Variants in ATG7 observed in about 807,000 individuals in gnomAD.
ATG7 encodes autophagy related 7, also known as ubiquitin-like modifier-activating enzyme ATG7.
Under a neutral mutation model 82.4 loss-of-function variants are expected in ATG7, and 70 were observed. The observed-to-expected ratio is 0.85, with a 90% CI of 0.70 to 1.04. The LOEUF is 1.04. Among genes scored for constraint, ATG7 ranks in the 50% least tolerant of loss-of-function variants. The probability of loss-of-function intolerance (pLI) is 0.00; values close to 1 mark genes in which losing one functional copy is unlikely to be tolerated. For synonymous variants in ATG7, 287 were observed against 313.0 expected, an observed-to-expected ratio of 0.92 and a Z score of 0.88; for missense variants, 792 against 864.3, an observed-to-expected ratio of 0.92 and a Z score of 1.05.
chr3:11,505,314 A>G (rs2091635543), intron 20 of ATG7, among the ~76,000 whole-genome samples: 1 of 152,210 alleles, frequency 6.6e-6, no homozygotes, highest in Non-Finnish European at 1.5e-5. Flanking sequence ...GACTAGCGGT[A>G]AGCCAGGTGT....
chr3:11,550,644 C>T (rs191124238), intron 20 of ATG7, among the ~76,000 whole-genome samples: 20 of 152,210 alleles, frequency 1.3e-4, no homozygotes, highest in African/African-American at 3.4e-4. Flanking sequence ...GTGATCCTCC[C>T]GCCTCAGCCT....
At chr3:11,304,830 T>C (rs934413696) in intron 5 of ATG7, among the ~76,000 whole-genome samples, 1 of 152,206 alleles carries the variant, frequency 6.6e-6, no homozygotes, top group African/African-American at 2.4e-5. Flanking sequence ...TAATTTGAAT[T>C]CTTTTTAGGA....
intron 20 of ATG7, among the ~76,000 whole-genome samples, chr3:11,432,610 C>CTG (rs2152954135): frequency 6.6e-6 from 1 of 151,982 alleles, no homozygotes; most frequent in South Asian, 2.1e-4. Context: ...AACTTATCTA[C>CTG]ATAACCAAAA....
intron 20 of ATG7, among the ~76,000 whole-genome samples, chr3:11,437,752 A>G (rs562469998): frequency 3.4e-4 from 52 of 152,280 alleles, no homozygotes; most frequent in African/African-American, 1.2e-3. Context: ...TCGCATATAT[A>G]CTTGCTCGTT....
chr3:11,543,026 C>T (rs2070962634), intron 20 of ATG7, among the ~76,000 whole-genome samples: 2 of 152,194 alleles, frequency 1.3e-5, no homozygotes, highest in Non-Finnish European at 1.5e-5. Context: ...GTCTGCTGCC[C>T]CCCTCCCTGG....
rs1435086133 is a variant in ATG7 at position 11,395,965 on chromosome 3, A to AAAAAG, written c.1956+15913_1956+15914insAAAAG. Among the ~76,000 whole-genome samples, 2 of 78,082 alleles carry AAAAAG rather than the reference A, an allele frequency of 2.6e-5. 1 individual carries two copies. 51.2% of individuals were successfully genotyped at this position (78,082 alleles called of 152,430 possible). On this transcript the variant is annotated intron_variant, in intron 19 of 20. Transcript: ENST00000693202. ...AAAAAAAAAAAAAAAAAAAAAAAAA[A>AAAAAG]GGTAGGGGGGGAAGAGTAAAAGTGA...
the ATG7 span, among the ~76,000 whole-genome samples, chr3:11,571,421 C>T: frequency 2.6e-5 from 4 of 152,222 alleles, no homozygotes; most frequent in Non-Finnish European, 4.4e-5. Context: ...CAGTGACTCA[C>T]GCCTGTAATC....
At chr3:11,277,625 G>T (rs1380413597) in intron 1 of ATG7, among the ~76,000 whole-genome samples, 1 of 152,182 alleles carries the variant, frequency 6.6e-6, no homozygotes, top group Non-Finnish European at 1.5e-5. Context: ...GGGTCACAAA[G>T]ATCACATGCT....
chr3:11,457,873 G>A (rs1048868703), intron 20 of ATG7, among the ~76,000 whole-genome samples: 1 of 152,152 alleles, frequency 6.6e-6, no homozygotes, highest in Non-Finnish European at 1.5e-5. Context: ...GGCAAGGACT[G>A]TGTCTTAGAT....
intron 20 of ATG7, among the ~76,000 whole-genome samples, chr3:11,517,347 AAAAAG>A (rs149664163): frequency 0.16 from 23,892 of 149,204 alleles, 2,358 homozygotes; most frequent in South Asian, 0.35. Flanking sequence ...CTCAAAAAAA[AAAAAG>A]AAAAGAAAAG....
At chr3:11,470,209 G>T (rs1287982028) in intron 20 of ATG7, among the ~76,000 whole-genome samples, 1 of 152,134 alleles carries the variant, frequency 6.6e-6, no homozygotes, top group African/African-American at 2.4e-5. Context: ...TGGCACCTCT[G>T]TAGTCACACA....
At chr3:11,516,384 C>A (rs2092284060) in intron 20 of ATG7, among the ~76,000 whole-genome samples, 1 of 151,992 alleles carries the variant, frequency 6.6e-6, no homozygotes, top group South Asian at 2.1e-4. Context: ...TATGCCCATT[C>A]AAATGACTAG....
At chr3:11,303,044 T>C (rs1947037724) in intron 5 of ATG7, among the ~76,000 whole-genome samples, 1 of 152,228 alleles carries the variant, frequency 6.6e-6, no homozygotes, top group South Asian at 2.1e-4. Context: ...TCTTCTTCCA[T>C]GTTGTGGCTC....
At chr3:11,513,866 G>C (rs2092172371) in intron 20 of ATG7, among the ~76,000 whole-genome samples, 1 of 152,248 alleles carries the variant, frequency 6.6e-6, no homozygotes, top group Non-Finnish European at 1.5e-5. Context: ...CGTAGCTGCT[G>C]TCTTATGAAC....
chr3:11,461,487 C>T (rs1424540162), intron 20 of ATG7, among the ~76,000 whole-genome samples: 3 of 152,182 alleles, frequency 2.0e-5, no homozygotes, highest in East Asian at 3.8e-4. Context: ...TGAAGACAGG[C>T]ATTCAAAACC....
Position 11,497,357 on chromosome 3 carries a change from C to CTATATATATATATATATA in ATG7, c.2080-57436_2080-57419dup, listed in dbSNP as rs58838386. Among the ~76,000 whole-genome samples the CTATATATATATATATATA allele has an allele frequency of 2.4e-3, 139 of 57,290 alleles. 3 individuals are homozygous for CTATATATATATATATATA. Among genetic ancestry groups the CTATATATATATATATATA allele is most frequent in the South Asian group, 3.7e-3 (4 of 1,094 alleles). The allele number at this position is 57,290 out of a possible 152,430, so 37.6% of individuals were successfully genotyped here. On this transcript the variant is annotated intron_variant, in intron 20 of 20. Coordinates refer to ENST00000693202, the MANE Select transcript of ATG7 (RefSeq NM_001349232.2). The stretch of plus-strand genomic sequence containing the variant: ...TGAAACCCCGTCTGTACTAAAAATA[C>CTATATATATATATATATA]TATATATATATATATATATATATAT...
At position 11,519,851 on chromosome 3, in the gene ATG7, A is replaced by G. The variant is rs572368728; in HGVS notation, c.2080-34960A>G. Among the ~76,000 whole-genome samples the G allele has an allele frequency of 1.2e-3, 186 of 152,008 alleles. 1 individual carries two copies. The highest frequency in any genetic ancestry group is 4.1e-3 in the African/African-American group (168 of 41,474). On this transcript the variant is annotated intron_variant, in intron 20 of 20. Coordinates refer to ENST00000693202, the MANE Select transcript of ATG7 (RefSeq NM_001349232.2). ...GCTGGGATTACAGGCGTGAGCCACC[A>G]TGCCCAGCCGAGAGGAGTTTTTATA...
chr3:11,352,375 G>C (rs113985438), intron 14 of ATG7, among the ~76,000 whole-genome samples: 40 of 152,318 alleles, frequency 2.6e-4, no homozygotes, highest in African/African-American at 8.9e-4. Context: ...CCAGTAATGG[G>C]ATGGTTGGGT....
chr3:11,404,425 A>G (rs1406835013), intron 19 of ATG7, among the ~76,000 whole-genome samples: 1 of 151,916 alleles, frequency 6.6e-6, no homozygotes, highest in Non-Finnish European at 1.5e-5. Context: ...ATGAGCCACC[A>G]TGGCCGGCTC....
Sources: gnomAD v4.1 joint callset for allele counts (sites outside exome capture counted in the v4.1 genomes callset) on GRCh38, gnomAD v4.1.1 for gene constraint, MANE v1.5 for transcripts, NCBI Gene and HGNC (gene_info 2026-07-23, HGNC 2026-07-21) for gene names.